Variants in SLC39A9 observed in about 807,000 individuals in gnomAD.
The protein encoded by SLC39A9 is solute carrier family 39 member 9.
Under a neutral mutation model 28.4 loss-of-function variants are expected in SLC39A9, and 14 were observed. The ratio of observed to expected loss-of-function variants is 0.49; its 90% CI spans 0.33 to 0.77. The LOEUF (loss-of-function observed/expected upper bound fraction) is 0.77, where lower values mean the gene tolerates loss of function less well. Ranked by LOEUF, SLC39A9 falls within the 30% of genes least tolerant of loss-of-function variation. The pLI, the probability that SLC39A9 is intolerant of heterozygous loss-of-function variation, is 0.02. For synonymous variants in SLC39A9, 119 were observed against 149.6 expected, an observed-to-expected ratio of 0.80 and a Z score of 1.49; for missense variants, 283 against 381.1, an observed-to-expected ratio of 0.74 and a Z score of 2.14.
intron 4 of SLC39A9, among the ~76,000 whole-genome samples, chr14:69,453,664 G>A (rs1881179190): frequency 6.6e-6 from 1 of 152,198 alleles, no homozygotes; most frequent in African/African-American, 2.4e-5. Context: ...AAAAATGAGA[G>A]TAGGGAACCT....
At chr14:69,424,479 C>T (rs560750531) in intron 2 of SLC39A9, among the ~76,000 whole-genome samples, 4 of 152,206 alleles carry the variant, frequency 2.6e-5, no homozygotes, top group African/African-American at 9.6e-5. Context: ...AATGCTTACT[C>T]AAACACTTCC....
intron 3 of SLC39A9, among the ~76,000 whole-genome samples, chr14:69,446,925 C>A: frequency 7.0e-6 from 1 of 142,632 alleles, no homozygotes. Flanking sequence ...ATGAGCCCAT[C>A]TGTGATATAT....
chr14:69,404,264 A>G (rs1364089317), intron 1 of SLC39A9, among the ~76,000 whole-genome samples: 1 of 152,186 alleles, frequency 6.6e-6, no homozygotes, highest in African/African-American at 2.4e-5. Context: ...TGGCAGATGA[A>G]AGTAGTGCTA....
rs1885701019 is a variant in SLC39A9 at position 69,453,241 on chromosome 14, A to G, written c.404A>G (p.Asp135Gly). 1 of 1,613,526 alleles carries G rather than the reference A, an allele frequency of 6.2e-7. No homozygotes were observed. Among genetic ancestry groups the G allele is most frequent in the Non-Finnish European group, 8.5e-7 (1 of 1,179,484 alleles). ...GCTGTCTTTCTCATTTTCACTTTAG[A>G]TCCAGAAGCAGCAAGGTCTAGCAAT... ...IGNSHVHSTD[D>G]PEAARSSNSK... is the part of the protein sequence containing the mutation. The change falls in exon 4 of 7, where the codon GAT (aspartate) becomes GGT (glycine). Residue 135 changes from aspartate (D) to glycine (G), a missense_variant and splice_region_variant. Transcript: ENST00000336643.
intron 3 of SLC39A9, among the ~76,000 whole-genome samples, chr14:69,446,622 C>T (rs1029451776): frequency 3.3e-5 from 5 of 151,980 alleles, no homozygotes; most frequent in African/African-American, 7.3e-5. Flanking sequence ...CCTGTAATCC[C>T]AGCACTTTGG....
At chr14:69,446,694 G>A (rs1885320941) in intron 3 of SLC39A9, among the ~76,000 whole-genome samples, 1 of 151,792 alleles carries the variant, frequency 6.6e-6, no homozygotes, top group African/African-American at 2.4e-5. Flanking sequence ...CCAACATGGT[G>A]AAACCCCATC....
rs999069958 is a variant in SLC39A9, at chr14:69,461,480, G to C, written c.*2887G>C. On this transcript the variant is annotated 3_prime_UTR_variant, in exon 7 of 7. Coordinates refer to ENST00000336643, the MANE Select transcript of SLC39A9 (RefSeq NM_018375.5). ...TTGGAAACAGTACTACCTACCTAGAGGTTATGTGTTTTCTCTTTCTCCCCG... is the reference window on the plus strand; with the variant it reads ...TTGGAAACAGTACTACCTACCTAGACGTTATGTGTTTTCTCTTTCTCCCCG... 4.2e-6 allele frequency: 6 copies of C among 1,419,732 alleles called. No individual in the cohort carries two copies. Among genetic ancestry groups the C allele is most frequent in the African/African-American group, 2.9e-5 (2 of 69,392 alleles). 87.9% of individuals were successfully genotyped at this position (1,419,732 alleles called of 1,614,324 possible).
chr14:69,446,399 G>C (rs1885304600), intron 3 of SLC39A9, among the ~76,000 whole-genome samples: 1 of 151,518 alleles, frequency 6.6e-6, no homozygotes, highest in South Asian at 2.1e-4. Flanking sequence ...CCAGGACAGG[G>C]GCAGGGTAAG....
chr14:69,402,706 C>A (rs1882704519), intron 1 of SLC39A9, among the ~76,000 whole-genome samples: 1 of 152,146 alleles, frequency 6.6e-6, no homozygotes, highest in Non-Finnish European at 1.5e-5. Flanking sequence ...AAATCCGATT[C>A]TCAAATGCAA....
In SLC39A9 at chr14:69,461,716, CA is replaced by C. The variant is rs1156897470; in HGVS notation, c.*3124del. The C allele has an allele frequency of 1.6e-5, 24 of 1,535,912 alleles. No homozygotes were observed. The East Asian group carries it at 5.6e-4, about 36-fold the overall frequency. Reference sequence around the variant, plus strand: ...TTCAAGGATTAGAACTAAGAGGACACACCAGCATCGGAGTGTATTAAGCCCC... The same window carrying C: ...TTCAAGGATTAGAACTAAGAGGACACCCAGCATCGGAGTGTATTAAGCCCC... On this transcript the variant is annotated 3_prime_UTR_variant, in exon 7 of 7. Coordinates refer to ENST00000336643, the MANE Select transcript of SLC39A9 (RefSeq NM_018375.5).
chr14:69,412,415 A>T (rs1004611589), intron 1 of SLC39A9, among the ~76,000 whole-genome samples: 1 of 151,148 alleles, frequency 6.6e-6, no homozygotes, highest in Non-Finnish European at 1.5e-5. Context: ...ATAAATAAAT[A>T]AATAAATAAA....
At chr14:69,457,276 C>T (rs1220844597) in intron 6 of SLC39A9, among the ~76,000 whole-genome samples, 2 of 152,046 alleles carry the variant, frequency 1.3e-5, no homozygotes, top group Non-Finnish European at 2.9e-5. Flanking sequence ...AATCTTGGCT[C>T]ACTGCAACCT....
intron 1 of SLC39A9, among the ~76,000 whole-genome samples, chr14:69,417,213 A>G (rs1594911721): frequency 6.6e-6 from 1 of 152,180 alleles, no homozygotes; most frequent in Non-Finnish European, 1.5e-5. Flanking sequence ...TCCCAGCACC[A>G]TTTATTAAAT....
At chr14:69,423,543 C>T (rs919377052) in intron 1 of SLC39A9, among the ~76,000 whole-genome samples, 3 of 152,164 alleles carry the variant, frequency 2.0e-5, no homozygotes, top group Non-Finnish European at 2.9e-5. Flanking sequence ...AAAGTGTACT[C>T]ATTCTTCCTA....
At chr14:69,411,694 TG>T (rs1883273152) in intron 1 of SLC39A9, among the ~76,000 whole-genome samples, 2 of 151,976 alleles carry the variant, frequency 1.3e-5, no homozygotes, top group Non-Finnish European at 1.5e-5. Flanking sequence ...CCAAGTTGTG[TG>T]AAAGAATACA....
intron 1 of SLC39A9, among the ~76,000 whole-genome samples, chr14:69,413,877 A>G (rs1228744233): frequency 6.6e-6 from 1 of 151,966 alleles, no homozygotes; most frequent in African/African-American, 2.4e-5. Context: ...TCGATTCTCC[A>G]TCTATATATT....
chr14:69,429,451 CTA>C (rs1297504116), intron 2 of SLC39A9: 2 of 152,046 alleles, frequency 1.3e-5, no homozygotes, highest in African/African-American at 4.8e-5. Context: ...GTTTGGGTGA[CTA>C]TGAATAAAGT....
At chr14:69,408,941 GAC>G (rs1257071717) in intron 1 of SLC39A9, among the ~76,000 whole-genome samples, 4 of 152,176 alleles carry the variant, frequency 2.6e-5, no homozygotes, top group African/African-American at 4.8e-5. Context: ...AATAATTAAT[GAC>G]ACATGTCAAC....
intron 1 of SLC39A9, among the ~76,000 whole-genome samples, chr14:69,423,740 A>G (rs1455354120): frequency 2.0e-5 from 3 of 152,092 alleles, no homozygotes; most frequent in African/African-American, 7.2e-5. Flanking sequence ...TCTACTGAAA[A>G]TACAAAAATT....
Sources: allele counts gnomAD v4.1 joint callset (sites outside exome capture counted in the v4.1 genomes callset), GRCh38; gene constraint gnomAD v4.1.1; transcripts MANE v1.5; gene names NCBI Gene and HGNC (gene_info 2026-07-23, HGNC 2026-07-21).